The following ANXA5 variants were observed in gnomAD, a reference collection of about 807,000 sequenced individuals.
The protein encoded by ANXA5 is annexin A5.
In ANXA5, 40 loss-of-function variants were observed where a neutral mutation model predicts 48.1. The observed-to-expected ratio is 0.83, with a 90% CI of 0.65 to 1.08. The LOEUF (loss-of-function observed/expected upper bound fraction) is 1.08, where lower values mean the gene tolerates loss of function less well. ANXA5 is among the 50% of genes least tolerant of loss of function. The pLI is 0.00. For missense variants in ANXA5, 357 were observed against 376.8 expected, an observed-to-expected ratio of 0.95 and a Z score of 0.44; for synonymous variants, 113 against 129.1, an observed-to-expected ratio of 0.88 and a Z score of 0.85.
At chr4:121,684,656 T>C in intron 4 of ANXA5, 21 bp downstream of exon 4, 2 of 1,601,450 alleles carry the variant, frequency 1.2e-6, no homozygotes, top group Non-Finnish European at 1.7e-6. Context: ...CATTCTCTCT[T>C]GGGATGAAGT....
chr4:121,669,840 G>T, intron 11 of ANXA5, 114 bp downstream of exon 11: 1 of 1,456,160 alleles, frequency 6.9e-7, no homozygotes, highest in Non-Finnish European at 9.4e-7. Context: ...GAACTGGGTT[G>T]AATGTTATAA....
At position 121,694,753 on chromosome 4, in the gene ANXA5, T is replaced by A. The variant is rs566633948; in HGVS notation, c.9+1828A>T. Among the ~76,000 whole-genome samples, 7 of 152,310 alleles carry A rather than the reference T, an allele frequency of 4.6e-5. No individual in the cohort carries two copies. In the South Asian group the frequency reaches 1.5e-3, roughly 32 times the overall value. ...AAATAGTAACAAAACTAGAACAAAA[T>A]TTAACACTCTGTATCTTTTTTAAAA... On this transcript the variant is annotated intron_variant, in intron 2 of 12. Coordinates refer to ENST00000296511, the MANE Select transcript of ANXA5 (RefSeq NM_001154.4).
At chr4:121,668,888 C>G (rs1399227692) in intron 12 of ANXA5, among the ~76,000 whole-genome samples, 2 of 151,594 alleles carry the variant, frequency 1.3e-5, no homozygotes, top group Non-Finnish European at 2.9e-5. Flanking sequence ...TTTGCATCTG[C>G]TTGTCTCACA....
Position 121,684,581 on chromosome 4 carries a change from A to G in ANXA5, c.189+96T>C, listed in dbSNP as rs991343363. The G allele has an allele frequency of 6.6e-6, 7 of 1,055,282 alleles. No homozygotes were observed. The African/African-American group carries it at 1.1e-4, about 17-fold the overall frequency. 65.4% of individuals were successfully genotyped at this position (1,055,282 alleles called of 1,614,324 possible). ...AGTAGGGAAGTCGGAATCACAAAAT[A>G]AATGATGCTTACAAAAGAATATCAG... On this transcript the variant is annotated intron_variant, in intron 4 of 12. Coordinates refer to ENST00000296511, the MANE Select transcript of ANXA5 (RefSeq NM_001154.4).
chr4:121,696,674 C>A, intron 1 of ANXA5, 50 bp from the exon 2 acceptor site: 4 of 1,236,992 alleles, frequency 3.2e-6, no homozygotes, highest in Non-Finnish European at 4.2e-6. Flanking sequence ...GCAACTCGTG[C>A]CCTCCCCAAG....
intron 5 of ANXA5, among the ~76,000 whole-genome samples, chr4:121,682,000 T>A (rs1216360305): frequency 2.0e-5 from 3 of 152,196 alleles, no homozygotes; most frequent in African/African-American, 7.2e-5. Flanking sequence ...TGTGTATGTG[T>A]GTATATATGT....
At chr4:121,671,465 G>T (rs767808075) in intron 10 of ANXA5, 82 bp downstream of exon 10, 58 of 1,022,134 alleles carry the variant, frequency 5.7e-5, no homozygotes, top group Non-Finnish European at 7.0e-5. Flanking sequence ...CACCTAGGTG[G>T]TTATTTTCAG....
At chr4:121,678,855 G>C (rs115896268) in intron 6 of ANXA5, among the ~76,000 whole-genome samples, 186 of 152,220 alleles carry the variant, frequency 1.2e-3, no homozygotes, top group African/African-American at 4.2e-3. Context: ...CTTTTATATG[G>C]TTAGCTTCCA....
intron 8 of ANXA5, among the ~76,000 whole-genome samples, chr4:121,673,375 T>A (rs933834767): frequency 2.0e-5 from 3 of 152,196 alleles, no homozygotes; most frequent in Non-Finnish European, 4.4e-5. Flanking sequence ...ACCCAAAGAA[T>A]CAACCTTTAC....
chr4:121,671,170 T>C (rs1395070917), intron 10 of ANXA5, among the ~76,000 whole-genome samples: 20 of 152,204 alleles, frequency 1.3e-4, no homozygotes, highest in Admixed American at 1.3e-3. Context: ...TTTCTTAGTC[T>C]GCCTCAAAGC....
chr4:121,691,537 AC>A (rs1188318988), intron 2 of ANXA5, among the ~76,000 whole-genome samples: 3 of 116,180 alleles, frequency 2.6e-5, no homozygotes, highest in Admixed American at 9.5e-5. Flanking sequence ...CAAATACCGC[AC>A]CCTCCCCCCA....
chr4:121,677,750 ATGTAGGTCTT>A lies in ANXA5; in HGVS notation c.531+134_531+143del. The A allele has an allele frequency of 4.3e-6, 3 of 691,752 alleles. No homozygotes were observed. The Admixed American group carries it at 8.5e-5, about 20-fold the overall frequency. The allele number at this position is 691,752 out of a possible 1,614,324, so 42.9% of individuals were successfully genotyped here. On this transcript the variant is annotated intron_variant, in intron 8 of 12. Transcript: ENST00000296511. ...AGGTCAGAATAAGAAAAAGCTACTTATGTAGGTCTTATGCTATGTAAATAACCCATTAACA... is the reference window on the plus strand; with the variant it reads ...AGGTCAGAATAAGAAAAAGCTACTTAATGCTATGTAAATAACCCATTAACA...
At position 121,669,680 on chromosome 4, in the gene ANXA5, G is replaced by T; in HGVS notation, c.825C>A (p.Ser275=). 6.2e-7 allele frequency: 1 copy of T among 1,612,338 alleles called. No homozygotes were observed. The highest frequency in any genetic ancestry group is 8.5e-7 in the Non-Finnish European group (1 of 1,179,562). The stretch of plus-strand genomic sequence containing the variant: ...TGTTAAACAGATCAATCTCACTCCT[G>T]GAAACCATGACTCTGATGAGGGTAT... ...DDHTLIRVMV[S]RSEIDLFNIR... Residue 275 remains serine, a synonymous_variant, in exon 12 of 13, where the codon TCC becomes TCA. Coordinates refer to ENST00000296511, the MANE Select transcript of ANXA5 (RefSeq NM_001154.4).
chr4:121,681,779 T>C lies in ANXA5; in HGVS notation c.304-18A>G, dbSNP rs961180056. The C allele has an allele frequency of 1.1e-5, 17 of 1,555,332 alleles. No individual in the cohort carries two copies. The highest frequency in any genetic ancestry group is 1.4e-5 in the African/African-American group (1 of 73,550). On this transcript the variant is annotated intron_variant, in intron 5 of 12. Transcript: ENST00000296511. ...CCAGCTCCCTGTTTGGAGATTTTAA[T>C]AGAGAAAACATGTCAATAAGATTAA...
In ANXA5 at chr4:121,678,454, A is replaced by G. The variant is rs754732080; in HGVS notation, c.435T>C (p.Thr145=). ...SSLEDDVVGD[T]SGYYQRMLVV... ...CCAACATCCGCTGGTAGTACCCTGA[A>G]GTGTCCCCCACCACGTCATCTTCCA... Residue 145 remains threonine, a synonymous_variant, in exon 7 of 13, where the codon ACT becomes ACC. Transcript: ENST00000296511. 2 of 1,613,846 alleles carry G rather than the reference A, an allele frequency of 1.2e-6. No individual in the cohort carries two copies. Among genetic ancestry groups the G allele is most frequent in the African/African-American group, 1.3e-5 (1 of 75,054 alleles).
chr4:121,686,201 T>C, intron 3 of ANXA5, 87 bp downstream of exon 3: 4 of 1,014,116 alleles, frequency 3.9e-6, no homozygotes, highest in Non-Finnish European at 3.0e-6. Context: ...CAGATCAAAA[T>C]ATTCTAAAAT....
intron 12 of ANXA5, 79 bp from the exon 13 acceptor site, chr4:121,668,606 A>C: frequency 4.2e-6 from 5 of 1,199,852 alleles, no homozygotes; most frequent in Non-Finnish European, 6.2e-6. Flanking sequence ...ACTGGCAACA[A>C]ATTTTATTCA....
rs776205756 is a variant in ANXA5 at position 121,671,578 on chromosome 4, A to G, written c.690T>C (p.Ser230=). ...QIEETIDRET[S]GNLEQLLLAV... ...CAAGGAGTAGTTGCTCTAAATTGCC[A>G]GAAGTCTCGCGGTCAATGGTTTCCT... The change falls in exon 10 of 13, where the codon TCT becomes TCC. Residue 230 remains serine, a synonymous_variant. Coordinates refer to ENST00000296511, the MANE Select transcript of ANXA5 (RefSeq NM_001154.4). 4 of 1,613,622 alleles carry G rather than the reference A, an allele frequency of 2.5e-6. No individual in the cohort carries two copies. Among genetic ancestry groups the G allele is most frequent in the Non-Finnish European group, 3.4e-6 (4 of 1,179,594 alleles).
chr4:121,684,151 A>C (rs1166046786), intron 4 of ANXA5, among the ~76,000 whole-genome samples: 1 of 152,180 alleles, frequency 6.6e-6, no homozygotes, highest in Non-Finnish European at 1.5e-5. Context: ...ACAAGACTAC[A>C]TTTAAGTTTT....
Sources: allele counts gnomAD v4.1 joint callset (sites outside exome capture counted in the v4.1 genomes callset), GRCh38; gene constraint gnomAD v4.1.1; transcripts MANE v1.5; gene names NCBI Gene and HGNC (gene_info 2026-07-23, HGNC 2026-07-21).